ACOT12: variants seen among roughly 807,000 people sequenced by gnomAD.
ACOT12 encodes the protein acetyl-coenzyme A thioesterase.
ACOT12 carries 51 observed loss-of-function variants against 67.7 expected under a neutral mutation model. The ratio of observed to expected loss-of-function variants is 0.75; its 90% CI spans 0.60 to 0.95. The LOEUF is 0.95. ACOT12 is among the 40% of genes least tolerant of loss of function. The pLI, the probability that ACOT12 is intolerant of heterozygous loss-of-function variation, is 0.00. For synonymous variants in ACOT12, 251 were observed against 244.6 expected (o/e 1.03, Z -0.24); for missense variants, 734 against 708.1 (o/e 1.04, Z -0.41).
intron 4 of ACOT12, 123 bp from the exon 5 acceptor site, chr5:81,360,161 G>C: frequency 3.2e-6 from 3 of 934,332 alleles, no homozygotes; most frequent in Non-Finnish European, 4.6e-6. Flanking sequence ...GCTTTTATGA[G>C]TGTTTTCACT....
chr5:81,348,843 C>T (rs968884707), intron 5 of ACOT12, among the ~76,000 whole-genome samples: 2 of 152,222 alleles, frequency 1.3e-5, no homozygotes, highest in East Asian at 1.9e-4. Context: ...GGAATACAGG[C>T]GTGAGCCACC....
the ACOT12 span, among the ~76,000 whole-genome samples, chr5:81,321,276 GA>G: frequency 6.6e-6 from 1 of 151,912 alleles, no homozygotes; most frequent in Non-Finnish European, 1.5e-5. Context: ...AAAGAGAAAA[GA>G]AAAAAACCAG....
chr5:81,340,771 G>A (rs780049925), intron 11 of ACOT12, among the ~76,000 whole-genome samples: 8 of 152,180 alleles, frequency 5.3e-5, no homozygotes, highest in Non-Finnish European at 7.3e-5. Context: ...GCTGTAAAAC[G>A]TGGGAGAGAA....
chr5:81,343,914 T>G, intron 9 of ACOT12, 33 bp from the exon 10 acceptor site: 1 of 1,579,568 alleles, frequency 6.3e-7, no homozygotes, highest in Non-Finnish European at 8.7e-7. Context: ...TAAATGACAG[T>G]TTTTTTCTCT....
In ACOT12 at chr5:81,344,314, G is replaced by A. The variant is rs144559981; in HGVS notation, c.925-99C>T. 1,398 of 1,190,196 alleles carry A rather than the reference G, an allele frequency of 1.2e-3. 16 individuals carry two copies. In the African/African-American group the frequency reaches 0.017, roughly 15 times the overall value. The allele number at this position is 1,190,196 out of a possible 1,614,324, so 73.7% of individuals were successfully genotyped here. On this transcript the variant is annotated intron_variant, in intron 8 of 14. Coordinates refer to ENST00000307624, the MANE Select transcript of ACOT12 (RefSeq NM_130767.3). ...TATCCTTCTCCTAAATCAGTCAAAA[G>A]GGCTAACTGAGATGTGGTGTCTCTC...
chr5:81,365,098 C>T (rs186276570), intron 3 of ACOT12, among the ~76,000 whole-genome samples: 54 of 152,274 alleles, frequency 3.5e-4, no homozygotes, highest in Admixed American at 3.3e-3. Flanking sequence ...GATTGCACTT[C>T]GCAGAAGTGT....
chr5:81,372,904 A>G (rs1580581702), intron 2 of ACOT12, among the ~76,000 whole-genome samples: 1 of 152,230 alleles, frequency 6.6e-6, no homozygotes, highest in African/African-American at 2.4e-5. Flanking sequence ...GGATGTAAAT[A>G]GATAAAGCCC....
rs779496011 is a variant in ACOT12, at chr5:81,347,918, T to A, written c.509A>T (p.Asp170Val). The change falls in exon 6 of 15, where the codon GAT becomes GTT. Residue 170 changes from aspartate to valine, a missense_variant. Physicochemically the swap from Asp to Val is radical, Grantham distance 152. Coordinates refer to ENST00000307624, the MANE Select transcript of ACOT12 (RefSeq NM_130767.3). ...ESSKFDDLIFDEEEGAVSTRG... is the reference protein window; with the variant it reads ...ESSKFDDLIFVEEEGAVSTRG... ...TGTGGAAACCGCTCCTTCCTCTTCA[T>A]CAAAAATGAGATCTGAAAGGTGGAT... The A allele has an allele frequency of 2.5e-6, 4 of 1,613,248 alleles. No individual in the cohort carries two copies. The highest frequency in any genetic ancestry group is 2.2e-5 in the East Asian group (1 of 44,862).
chr5:81,323,021 G>C, the ACOT12 span, among the ~76,000 whole-genome samples: 1 of 147,316 alleles, frequency 6.8e-6, no homozygotes, highest in Admixed American at 6.8e-5. Flanking sequence ...TGGGTATCCT[G>C]AGGTGAGAGA....
the ACOT12 span, among the ~76,000 whole-genome samples, chr5:81,314,775 T>C: frequency 6.6e-5 from 10 of 151,790 alleles, no homozygotes; most frequent in African/African-American, 2.4e-4. Flanking sequence ...GCAAGAAATG[T>C]TTTATTACAT....
At position 81,344,817 on chromosome 5, in the gene ACOT12, C is replaced by T. The variant is rs146027916; in HGVS notation, c.924+74G>A. 1.8e-4 allele frequency: 277 copies of T among 1,552,936 alleles called. 1 individual carries two copies. Among genetic ancestry groups the T allele is most frequent in the African/African-American group, 1.1e-3 (80 of 73,376 alleles). ...GGGAAAGAGCCAAAGAGGTTGTTGC[C>T]GGTGGGAGGAGATTCTAGGTAGAGC... On this transcript the variant is annotated intron_variant, in intron 8 of 14. Transcript: ENST00000307624.
chr5:81,324,133 G>T, the ACOT12 span, among the ~76,000 whole-genome samples: 1 of 151,890 alleles, frequency 6.6e-6, no homozygotes, highest in Non-Finnish European at 1.5e-5. Flanking sequence ...TAGAGACGGG[G>T]TTTCACCATG....
intron 1 of ACOT12, among the ~76,000 whole-genome samples, chr5:81,389,040 T>G (rs1760800886): frequency 6.6e-6 from 1 of 152,194 alleles, no homozygotes; most frequent in African/African-American, 2.4e-5. Flanking sequence ...CTCAGATATG[T>G]CTTTATCAGC....
chr5:81,333,950 G>A (rs749305722), intron 12 of ACOT12, among the ~76,000 whole-genome samples: 5 of 152,124 alleles, frequency 3.3e-5, no homozygotes, highest in African/African-American at 1.2e-4. Flanking sequence ...AGACCCTAGC[G>A]GGCTGGATGT....
chr5:81,310,354 G>A, the ACOT12 span, among the ~76,000 whole-genome samples: 3 of 152,006 alleles, frequency 2.0e-5, no homozygotes, highest in Admixed American at 1.3e-4. Flanking sequence ...TTTTTGTATG[G>A]TACATTTGAT....
intron 11 of ACOT12, among the ~76,000 whole-genome samples, chr5:81,341,988 T>C (rs935075387): frequency 2.0e-5 from 3 of 151,094 alleles, no homozygotes; most frequent in Admixed American, 2.0e-4. Flanking sequence ...TGACCAATTA[T>C]TTATTTATTT....
chr5:81,319,433 C>A, the ACOT12 span, among the ~76,000 whole-genome samples: 2 of 152,306 alleles, frequency 1.3e-5, no homozygotes, highest in South Asian at 2.1e-4. Flanking sequence ...GAAATCCATA[C>A]CAAGCTGGGC....
chr5:81,314,751 T>C, the ACOT12 span, among the ~76,000 whole-genome samples: 2 of 152,196 alleles, frequency 1.3e-5, no homozygotes, highest in Admixed American at 6.5e-5. Flanking sequence ...ACAGGAGACT[T>C]AGGGAAAATA....
In ACOT12 at chr5:81,332,544, T is replaced by C. The variant is rs543485003; in HGVS notation, c.1324A>G (p.Ile442Val). ...TCTTTGGGTTTGTCATCATTCAGTA[T>C]AGGACAGGTGATGTGATACAGCTGA... ...DDQLYHITCP[I>V]LNDDKPKDLV... Residue 442 changes from isoleucine (I) to valine (V), a missense_variant, in exon 13 of 15, where the codon ATA becomes GTA. Transcript: ENST00000307624. 11 of 1,614,128 alleles carry C rather than the reference T, an allele frequency of 6.8e-6. No homozygotes were observed. In the East Asian group the frequency reaches 1.8e-4, roughly 26 times the overall value.
Sources: allele counts gnomAD v4.1 joint callset (sites outside exome capture counted in the v4.1 genomes callset), GRCh38; gene constraint gnomAD v4.1.1; transcripts MANE v1.5; gene names NCBI Gene and HGNC (gene_info 2026-07-23, HGNC 2026-07-21).